The following VRK2 variants were observed in gnomAD, a reference collection of about 807,000 sequenced individuals.
The protein encoded by VRK2 is VRK serine/threonine kinase 2.
VRK2 carries 60 observed loss-of-function variants against 57.6 expected under a neutral mutation model. That is an observed-to-expected ratio of 1.04 (90% CI 0.85 to 1.29). The LOEUF is 1.29. Ranked by LOEUF, VRK2 falls within the 50% of genes most tolerant of loss-of-function variation. The pLI, the probability that VRK2 is intolerant of heterozygous loss-of-function variation, is 0.00. For synonymous variants in VRK2, 231 were observed against 199.2 expected (o/e 1.16, Z -1.35); for missense variants, 705 against 588.1 (o/e 1.20, Z -2.06).
At chr2:57,973,188 A>C (rs1302401767) in intron 1 of VRK2, among the ~76,000 whole-genome samples, 1 of 151,878 alleles carries the variant, frequency 6.6e-6, no homozygotes, top group East Asian at 1.9e-4. Flanking sequence ...CAGTTGTCAA[A>C]CTTTTGGATT....
At chr2:58,080,588 T>C (rs1179634165) in intron 2 of VRK2, among the ~76,000 whole-genome samples, 1 of 151,888 alleles carries the variant, frequency 6.6e-6, no homozygotes, top group East Asian at 1.9e-4. Context: ...GCACCATTCC[T>C]TTTGTGATTA....
At position 57,988,812 on chromosome 2, in the gene VRK2, T is replaced by C. The variant is rs560925240; in HGVS notation, c.-438-36853T>C. On this transcript the variant is annotated intron_variant, in intron 1 of 15. Transcript: ENST00000417641. ...GGTTCCCTGGTGTACAAACAGCATA[T>C]TGCGGGAATTCACAGCCTCTTTAGT... Among the ~76,000 whole-genome samples the C allele has an allele frequency of 2.5e-3, 380 of 152,312 alleles. 1 individual carries two copies. The highest frequency in any genetic ancestry group is 8.6e-3 in the African/African-American group (357 of 41,554).
chr2:57,950,131 G>A (rs986555701), intron 1 of VRK2, among the ~76,000 whole-genome samples: 3 of 152,214 alleles, frequency 2.0e-5, no homozygotes, highest in Non-Finnish European at 4.4e-5. Context: ...TGCTGATGTG[G>A]AAGCTATAGC....
chr2:58,020,990 TATAAA>T (rs1225377531), intron 1 of VRK2, among the ~76,000 whole-genome samples: 2 of 152,178 alleles, frequency 1.3e-5, no homozygotes, highest in African/African-American at 4.8e-5. Context: ...AATATACAAT[TATAAA>T]AGAAACAAAG....
chr2:58,092,328 A>G (rs1672496615), intron 7 of VRK2, among the ~76,000 whole-genome samples: 2 of 152,122 alleles, frequency 1.3e-5, no homozygotes, highest in South Asian at 2.1e-4. Flanking sequence ...TGCTTTTGAG[A>G]TTTATCTTTG....
Position 58,131,716 on chromosome 2 carries a change from A to G in VRK2, c.677-92A>G, listed in dbSNP as rs1013118841. 30 of 1,410,730 alleles carry G rather than the reference A, an allele frequency of 2.1e-5. No individual in the cohort carries two copies. The Admixed American group carries it at 5.8e-4, about 27-fold the overall frequency. 87.4% of individuals were successfully genotyped at this position (1,410,730 alleles called of 1,614,324 possible). ...AACATTTTGCCTATTTGGCTTTTTC[A>G]TATTTCATCAGTAGTAGTTCAACCA... On this transcript the variant is annotated intron_variant, in intron 8 of 12. Coordinates refer to ENST00000340157, the MANE Select transcript of VRK2 (RefSeq NM_006296.7).
chr2:58,159,756 A>G lies in VRK2; in HGVS notation c.*63A>G, dbSNP rs1225646454. On this transcript the variant is annotated 3_prime_UTR_variant, in exon 13 of 13. Coordinates refer to ENST00000340157, the MANE Select transcript of VRK2 (RefSeq NM_006296.7). ...TTCCAGCTCTTCACCGAAATGTTGT[A>G]TTCTTATTTCAGTGTTTCCTTCCAG... 1 of 1,613,166 alleles carries G rather than the reference A, an allele frequency of 6.2e-7. No homozygotes were observed. Among genetic ancestry groups the G allele is most frequent in the Non-Finnish European group, 8.5e-7 (1 of 1,179,556 alleles).
At chr2:57,932,072 T>C (rs1198173633) in intron 1 of VRK2, among the ~76,000 whole-genome samples, 9 of 152,178 alleles carry the variant, frequency 5.9e-5, no homozygotes, top group African/African-American at 1.9e-4. Flanking sequence ...TCTTTGTTTT[T>C]CTTACTCTAT....
intron 11 of VRK2, among the ~76,000 whole-genome samples, chr2:58,144,568 A>G (rs534461608): frequency 6.6e-6 from 1 of 152,114 alleles, no homozygotes; most frequent in African/African-American, 2.4e-5. Flanking sequence ...TATAACATGG[A>G]ACACATTTTC....
At chr2:58,118,103 C>G (rs1676806729) in intron 7 of VRK2, among the ~76,000 whole-genome samples, 1 of 151,788 alleles carries the variant, frequency 6.6e-6, no homozygotes, top group Non-Finnish European at 1.5e-5. Flanking sequence ...GCCCCTCCCC[C>G]AGAAAAGTGG....
chr2:58,025,597 A>C (rs1221087421), intron 1 of VRK2: 1 of 152,180 alleles, frequency 6.6e-6, no homozygotes, highest in Admixed American at 6.5e-5. Context: ...CATAAGCCAC[A>C]AATTATCTTA....
intron 2 of VRK2, among the ~76,000 whole-genome samples, chr2:58,063,049 G>A (rs1381258173): frequency 1.3e-5 from 2 of 151,938 alleles, no homozygotes; most frequent in Non-Finnish European, 2.9e-5. Flanking sequence ...CGAAGCCAGT[G>A]CTTACCATTC....
chr2:58,115,327 A>G (rs544073868), intron 7 of VRK2, among the ~76,000 whole-genome samples: 526 of 152,268 alleles, frequency 3.5e-3, no homozygotes, highest in Admixed American at 5.2e-3. Context: ...GCCAGAAACA[A>G]TGGTAGTTGT....
chr2:58,159,405 A>G lies in VRK2; in HGVS notation c.1239A>G (p.Val413=), dbSNP rs755632860. 6.8e-6 allele frequency: 11 copies of G among 1,613,452 alleles called. No homozygotes were observed. In the African/African-American group the frequency reaches 9.3e-5, roughly 14 times the overall value. ...YQESQEPLNE[V]NSFPQKISYT... ...AGTCTCAAGAACCTTTGAATGAAGT[A>G]AACAGTTTCCCACAAAAAATCAGCT... The change falls in exon 13 of 13, where the codon GTA becomes GTG. Residue 413 remains valine (V), a synonymous_variant. Transcript: ENST00000340157.
intron 1 of VRK2, among the ~76,000 whole-genome samples, chr2:57,986,644 G>T (rs907002862): frequency 6.9e-6 from 1 of 145,950 alleles, no homozygotes; most frequent in African/African-American, 2.6e-5. Context: ...TGTCTCCCAG[G>T]CTGGAGTGCA....
intron 8 of VRK2, among the ~76,000 whole-genome samples, chr2:58,126,247 A>ACTCAAG (rs1678327324): frequency 6.6e-6 from 1 of 152,118 alleles, no homozygotes; most frequent in Admixed American, 6.5e-5. Flanking sequence ...GAAGAGAAAT[A>ACTCAAG]CTCAAGCTTC....
At chr2:58,101,046 G>T (rs1673884387) in intron 7 of VRK2, among the ~76,000 whole-genome samples, 2 of 151,504 alleles carry the variant, frequency 1.3e-5, no homozygotes, top group African/African-American at 4.8e-5. Flanking sequence ...CTGAATATGG[G>T]CTACTAGAGT....
At position 58,057,120 on chromosome 2, in the gene VRK2, G is replaced by T. The variant is rs140630164; in HGVS notation, c.136+8153G>T. 2.0e-5 allele frequency among the ~76,000 whole-genome samples: 3 copies of T among 152,152 alleles called. No homozygotes were observed. In the East Asian group the frequency reaches 5.8e-4, roughly 29 times the overall value. On this transcript the variant is annotated intron_variant, in intron 2 of 12. Transcript: ENST00000340157. ...GACACTACATTATAAACTGCTTTCA[G>T]GCAGTCACTCACAGTGCTTAATATG...
At chr2:57,916,787 T>A (rs947994642) in intron 1 of VRK2, among the ~76,000 whole-genome samples, 1 of 152,188 alleles carries the variant, frequency 6.6e-6, no homozygotes, top group Non-Finnish European at 1.5e-5. Flanking sequence ...GGAGTGACTG[T>A]CTGGCTCTGA....
Sources: gnomAD v4.1 joint callset for allele counts (sites outside exome capture counted in the v4.1 genomes callset) on GRCh38, gnomAD v4.1.1 for gene constraint, MANE v1.5 for transcripts, NCBI Gene and HGNC (gene_info 2026-07-23, HGNC 2026-07-21) for gene names.